LUZP2: variants seen among roughly 807,000 people sequenced by gnomAD.
The protein encoded by LUZP2 is leucine zipper protein 2.
LUZP2 carries 52 observed loss-of-function variants against 51.6 expected under a neutral mutation model. The observed-to-expected ratio is 1.01, with a 90% CI of 0.81 to 1.27. The LOEUF (loss-of-function observed/expected upper bound fraction) is 1.27, where lower values mean the gene tolerates loss of function less well. LUZP2 is among the 50% of genes most tolerant of loss of function. The probability of loss-of-function intolerance (pLI) is 0.00; values close to 1 mark genes in which losing one functional copy is unlikely to be tolerated. For missense variants in LUZP2, 436 were observed against 395.4 expected, an observed-to-expected ratio of 1.10 and a Z score of -0.87; for synonymous variants, 154 against 137.3, an observed-to-expected ratio of 1.12 and a Z score of -0.85.
chr11:24,542,391 C>G (rs1273444253), intron 1 of LUZP2, among the ~76,000 whole-genome samples: 1 of 151,986 alleles, frequency 6.6e-6, no homozygotes, highest in African/African-American at 2.4e-5. Flanking sequence ...ACACCTGATG[C>G]TTTAGACAAG....
chr11:25,023,981 G>T (rs1857413524), intron 9 of LUZP2, among the ~76,000 whole-genome samples: 1 of 152,164 alleles, frequency 6.6e-6, no homozygotes, highest in African/African-American at 2.4e-5. Flanking sequence ...TAGTTTGATT[G>T]CACTGTGGTC....
At chr11:24,562,304 T>A (rs537200003) in intron 1 of LUZP2, among the ~76,000 whole-genome samples, 1 of 152,174 alleles carries the variant, frequency 6.6e-6, no homozygotes. Flanking sequence ...AACAGAGAAT[T>A]GAAACTATAA....
intron 5 of LUZP2, among the ~76,000 whole-genome samples, chr11:24,777,252 C>G (rs961083031): frequency 2.6e-5 from 4 of 152,048 alleles, no homozygotes; most frequent in Non-Finnish European, 5.9e-5. Flanking sequence ...CTCGGCCTCC[C>G]AAAGTGCTGG....
chr11:25,023,084 A>G (rs757310608), intron 9 of LUZP2, among the ~76,000 whole-genome samples: 2 of 152,078 alleles, frequency 1.3e-5, no homozygotes, highest in African/African-American at 4.8e-5. Flanking sequence ...CTTGATGTTC[A>G]TCAGGGAAAT....
intron 1 of LUZP2, among the ~76,000 whole-genome samples, chr11:24,660,598 C>T (rs934335528): frequency 3.1e-4 from 47 of 152,044 alleles, no homozygotes; most frequent in Admixed American, 3.1e-3. Flanking sequence ...GCGAAGAACC[C>T]CTGATCATAA....
At chr11:24,981,457 T>A (rs1179941484) in intron 8 of LUZP2, among the ~76,000 whole-genome samples, 1 of 151,712 alleles carries the variant, frequency 6.6e-6, no homozygotes, top group Non-Finnish European at 1.5e-5. Context: ...TTTGGCTGGT[T>A]TCTTGACTGT....
intron 1 of LUZP2, among the ~76,000 whole-genome samples, chr11:24,597,120 G>C (rs10500984): frequency 0.082 from 12,502 of 152,144 alleles, 1,526 homozygotes; most frequent in African/African-American, 0.26. Flanking sequence ...TGTGCATTAC[G>C]AAGGAGTAAT....
At chr11:24,827,350 G>A (rs2631505) in intron 5 of LUZP2, among the ~76,000 whole-genome samples, 113,213 of 152,134 alleles carry the variant, frequency 0.74, 43,013 homozygotes, top group Middle Eastern at 0.85. Flanking sequence ...AGTTTTATTT[G>A]TAGATATACT....
chr11:24,671,884 A>G (rs968935958), intron 1 of LUZP2, among the ~76,000 whole-genome samples: 1 of 152,208 alleles, frequency 6.6e-6, no homozygotes, highest in African/African-American at 2.4e-5. Flanking sequence ...TAGTTTTCAA[A>G]GTAATATTCA....
intron 5 of LUZP2, among the ~76,000 whole-genome samples, chr11:24,781,989 C>T (rs1329877936): frequency 6.6e-6 from 1 of 151,956 alleles, no homozygotes; most frequent in Non-Finnish European, 1.5e-5. Flanking sequence ...GATAAGAAGA[C>T]TCTAAGTAAG....
chr11:24,671,877 T>TTTTCAAAGTAATTTAG (rs1856411465), intron 1 of LUZP2, among the ~76,000 whole-genome samples: 1 of 152,172 alleles, frequency 6.6e-6, no homozygotes, highest in African/African-American at 2.4e-5. Context: ...TTTAATTTAG[T>TTTTCAAAGTAATTTAG]TTTCAAAGTA....
intron 7 of LUZP2, among the ~76,000 whole-genome samples, chr11:24,949,810 C>T (rs113494167): frequency 2.6e-5 from 4 of 151,600 alleles, no homozygotes; most frequent in African/African-American, 9.7e-5. Context: ...GTGTAGAACA[C>T]GCAGGTGATC....
At chr11:25,020,863 T>TA (rs1857313518) in intron 9 of LUZP2, among the ~76,000 whole-genome samples, 1 of 152,110 alleles carries the variant, frequency 6.6e-6, no homozygotes, top group South Asian at 2.1e-4. Flanking sequence ...TGATAATGTA[T>TA]ATCCAAGAGA....
chr11:25,076,241 C>T (rs1376057664), intron 10 of LUZP2, among the ~76,000 whole-genome samples: 1 of 151,958 alleles, frequency 6.6e-6, no homozygotes, highest in African/African-American at 2.4e-5. Flanking sequence ...GAGAATGTTT[C>T]ACCATGTTGC....
chr11:24,914,722 C>T (rs986900917), intron 7 of LUZP2, among the ~76,000 whole-genome samples, 184 bp downstream of exon 7: 1 of 152,114 alleles, frequency 6.6e-6, no homozygotes, highest in African/African-American at 2.4e-5. Flanking sequence ...AGTATTATTT[C>T]CTACATTCAT....
intron 1 of LUZP2, among the ~76,000 whole-genome samples, chr11:24,600,823 G>A (rs11028046): frequency 0.31 from 46,977 of 151,826 alleles, 7,606 homozygotes; most frequent in African/African-American, 0.37. Flanking sequence ...TTAAAAAGAA[G>A]GTAGACACGC....
intron 5 of LUZP2, among the ~76,000 whole-genome samples, chr11:24,845,535 G>A (rs2716517): frequency 0.15 from 22,981 of 151,892 alleles, 1,905 homozygotes; most frequent in African/African-American, 0.2. Context: ...GTTTGGGAGG[G>A]GCCAGAGGCA....
intron 5 of LUZP2, among the ~76,000 whole-genome samples, chr11:24,904,076 A>C (rs1266176298): frequency 6.6e-6 from 1 of 152,072 alleles, no homozygotes; most frequent in Non-Finnish European, 1.5e-5. Flanking sequence ...GGCTGTACTA[A>C]TTTACATTCC....
chr11:24,926,390 CGTGTGTATATATATAT>C (rs1854256343), intron 7 of LUZP2, among the ~76,000 whole-genome samples: 1 of 7,396 alleles, frequency 1.4e-4, no homozygotes, highest in East Asian at 0.013. Context: ...TATATATATA[CGTGTGTATATATATAT>C]ACGTGTGTAT....
Sources: gnomAD v4.1 joint callset for allele counts (sites outside exome capture counted in the v4.1 genomes callset) on GRCh38, gnomAD v4.1.1 for gene constraint, MANE v1.5 for transcripts, NCBI Gene and HGNC (gene_info 2026-07-23, HGNC 2026-07-21) for gene names.